BLNK: variants seen among roughly 807,000 people sequenced by gnomAD.
BLNK encodes the protein B cell linker.
A neutral mutation model predicts 73.5 loss-of-function variants in BLNK; 29 were observed. The ratio of observed to expected loss-of-function variants is 0.39; its 90% CI spans 0.29 to 0.54. The LOEUF (loss-of-function observed/expected upper bound fraction) is 0.54, where lower values mean the gene tolerates loss of function less well. BLNK is among the 20% of genes least tolerant of loss of function. The pLI is 0.61. For missense variants in BLNK, 460 were observed against 562.8 expected, an observed-to-expected ratio of 0.82 and a Z score of 1.85; for synonymous variants, 176 against 200.8, an observed-to-expected ratio of 0.88 and a Z score of 1.04.
At chr10:96,260,539 G>T (rs945834080) in intron 1 of BLNK, among the ~76,000 whole-genome samples, 3 of 152,170 alleles carry the variant, frequency 2.0e-5, no homozygotes, top group African/African-American at 7.2e-5. Flanking sequence ...GGGGGAAAAA[G>T]GAACTTTGGC....
chr10:96,196,761 TTTATC>T (rs1344398592), intron 16 of BLNK, 142 bp downstream of exon 16: 1 of 790,304 alleles, frequency 1.3e-6, no homozygotes, highest in Non-Finnish European at 2.0e-6. Context: ...AATATAGTAT[TTTATC>T]TTGTTCTCTA....
rs1232878201 is a variant in BLNK at position 96,269,645 on chromosome 10, T to C, written c.47+1707A>G. Among the ~76,000 whole-genome samples, 11 of 152,248 alleles carry C rather than the reference T, an allele frequency of 7.2e-5. 1 individual carries two copies. The highest frequency in any genetic ancestry group is 3.4e-3 in the Middle Eastern group (1 of 294). On this transcript the variant is annotated intron_variant, in intron 1 of 16. Transcript: ENST00000224337. ...ACTCCAACGCATCCTACCAGGCTCC[T>C]TTAAGCCTACTGTCATGACATTGCT...
chr10:96,228,678 C>T (rs1554903293), intron 4 of BLNK, among the ~76,000 whole-genome samples: 3 of 152,232 alleles, frequency 2.0e-5, no homozygotes, highest in African/African-American at 7.2e-5. Flanking sequence ...CTGCTTCTCA[C>T]CGCAGAGGCA....
At chr10:96,201,641 C>T (rs2083638689) in intron 13 of BLNK, among the ~76,000 whole-genome samples, 1 of 152,080 alleles carries the variant, frequency 6.6e-6, no homozygotes, top group Admixed American at 6.6e-5. Context: ...GGTTCTGAGA[C>T]CAAAATGTCT....
chr10:96,222,729 A>G lies in BLNK; in HGVS notation c.525+1097T>C, dbSNP rs587681360. Among the ~76,000 whole-genome samples the G allele has an allele frequency of 8.5e-5, 13 of 152,324 alleles. No individual in the cohort carries two copies. In the East Asian group the frequency reaches 2.5e-3, roughly 29 times the overall value. ...GGTTGTGCGGGGTACCTTACAGACT[A>G]GCTATCTCCATTGTACATCCTGGCC... is the stretch of plus-strand genomic sequence containing the variant. On this transcript the variant is annotated intron_variant, in intron 6 of 16. Coordinates refer to ENST00000224337, the MANE Select transcript of BLNK (RefSeq NM_013314.4).
chr10:96,233,404 G>T (rs1269695973), intron 3 of BLNK, among the ~76,000 whole-genome samples: 2 of 152,090 alleles, frequency 1.3e-5, no homozygotes, highest in African/African-American at 4.8e-5. Flanking sequence ...ATAAAGTTTG[G>T]ATTATGCTGT....
chr10:96,253,072 T>C (rs563576684), intron 1 of BLNK, among the ~76,000 whole-genome samples: 17 of 152,290 alleles, frequency 1.1e-4, no homozygotes, highest in Admixed American at 1.0e-3. Context: ...AATAGAGGAA[T>C]CTTCTAGAAG....
chr10:96,208,013 G>T, intron 9 of BLNK, 114 bp from the exon 10 acceptor site: 1 of 1,121,454 alleles, frequency 8.9e-7, no homozygotes, highest in Non-Finnish European at 1.4e-6. Context: ...ATACAAGTGT[G>T]TAGAAGACTA....
chr10:96,208,499 T>TG (rs375210253), intron 9 of BLNK, among the ~76,000 whole-genome samples: 186 of 152,308 alleles, frequency 1.2e-3, no homozygotes, highest in African/African-American at 4.1e-3. Flanking sequence ...TGAAGGTACT[T>TG]GCCTGCACTA....
chr10:96,241,611 G>A (rs1417116888), intron 3 of BLNK, among the ~76,000 whole-genome samples: 1 of 152,136 alleles, frequency 6.6e-6, no homozygotes, highest in Non-Finnish European at 1.5e-5. Context: ...GATGGAGGAA[G>A]TAGTCTCTTC....
At chr10:96,239,001 T>C (rs1842794802) in intron 3 of BLNK, 1 of 396,920 alleles carries the variant, frequency 2.5e-6, no homozygotes, top group Non-Finnish European at 4.4e-6. Context: ...GATTCTGCAT[T>C]TCTAACAAGC....
chr10:96,209,931 A>G, intron 8 of BLNK, 24 bp from the exon 9 acceptor site: 1 of 1,613,868 alleles, frequency 6.2e-7, no homozygotes, highest in Non-Finnish European at 8.5e-7. Flanking sequence ...TACACTACTC[A>G]GTCCCCAAGT....
intron 3 of BLNK, among the ~76,000 whole-genome samples, chr10:96,232,537 G>A (rs1564835713): frequency 6.6e-6 from 1 of 152,186 alleles, no homozygotes; most frequent in East Asian, 1.9e-4. Context: ...TGGGATCGGA[G>A]TGGCCACATT....
At chr10:96,210,624 A>G (rs587764329) in intron 8 of BLNK, among the ~76,000 whole-genome samples, 206 of 152,182 alleles carry the variant, frequency 1.4e-3, no homozygotes, top group African/African-American at 4.5e-3. Flanking sequence ...ATGAGGGAGG[A>G]AGTGAAAGAG....
intron 1 of BLNK, among the ~76,000 whole-genome samples, chr10:96,270,747 T>C (rs1844236169): frequency 2.0e-5 from 3 of 152,162 alleles, no homozygotes; most frequent in Admixed American, 2.0e-4. Flanking sequence ...TTTGGGGAAG[T>C]TGTCTTTTCC....
intron 13 of BLNK, among the ~76,000 whole-genome samples, chr10:96,203,118 G>A (rs186957353): frequency 1.2e-4 from 18 of 152,082 alleles, no homozygotes; most frequent in Middle Eastern, 3.4e-3. Context: ...TATTTGTTTC[G>A]TTCATCCTTG....
intron 2 of BLNK, among the ~76,000 whole-genome samples, chr10:96,246,288 C>T (rs1172383854): frequency 6.6e-6 from 1 of 152,200 alleles, no homozygotes; most frequent in African/African-American, 2.4e-5. Context: ...CGCAGTGGCT[C>T]TTGTCTGTAA....
intron 15 of BLNK, among the ~76,000 whole-genome samples, chr10:96,198,276 G>A (rs1442189030): frequency 1.3e-5 from 2 of 152,072 alleles, no homozygotes; most frequent in Middle Eastern, 3.2e-3. Context: ...GAGAAAAAAT[G>A]ACAAAAAAGA....
chr10:96,248,203 G>A (rs1843129080), intron 1 of BLNK, among the ~76,000 whole-genome samples: 1 of 152,174 alleles, frequency 6.6e-6, no homozygotes, highest in Non-Finnish European at 1.5e-5. Context: ...TGCTGCAAAA[G>A]TAATCACGGT....
Sources: allele counts gnomAD v4.1 joint callset (sites outside exome capture counted in the v4.1 genomes callset), GRCh38; gene constraint gnomAD v4.1.1; transcripts MANE v1.5; gene names NCBI Gene and HGNC (gene_info 2026-07-23, HGNC 2026-07-21).